Variants in KCNIP4 observed in about 807,000 individuals in gnomAD.
KCNIP4 encodes the protein Kv channel-interacting protein 4.
KCNIP4 carries 12 observed loss-of-function variants against 34.0 expected under a neutral mutation model. That is an observed-to-expected ratio of 0.35 (90% CI 0.23 to 0.57). The LOEUF (loss-of-function observed/expected upper bound fraction) is 0.57, where lower values mean the gene tolerates loss of function less well. Ranked by LOEUF, KCNIP4 falls within the 20% of genes least tolerant of loss-of-function variation. The pLI is 0.83. For missense variants in KCNIP4, 238 were observed against 311.7 expected (o/e 0.76, Z 1.78); for synonymous variants, 124 against 102.2 (o/e 1.21, Z -1.29).
rs189964806 is a variant in KCNIP4, at chr4:21,564,690, A to C, written c.61+383881T>G. On this transcript the variant is annotated intron_variant, in intron 1 of 8. Transcript: ENST00000382152. ...GTATAAAGAAAAGTTAATTTGGCTC[A>C]CCCTCCCACAGGCTGTAAAAGAAGC... Among the ~76,000 whole-genome samples the C allele has an allele frequency of 4.7e-4, 71 of 151,968 alleles. No individual in the cohort carries two copies. The East Asian group carries it at 8.2e-3, about 17-fold the overall frequency.
chr4:21,735,774 T>G lies in KCNIP4; in HGVS notation c.61+212797A>C, dbSNP rs191409526. On this transcript the variant is annotated intron_variant, in intron 1 of 8. Coordinates refer to ENST00000382152, the MANE Select transcript of KCNIP4 (RefSeq NM_025221.6). ...AATCTGTCACGCGAAGAATGGGGAC[T>G]AGCCTGCATAAACAAAAATCCAAAC... is the stretch of plus-strand genomic sequence containing the variant. Among the ~76,000 whole-genome samples, 125 of 152,276 alleles carry G rather than the reference T, an allele frequency of 8.2e-4. 1 individual carries two copies. Among genetic ancestry groups the G allele is most frequent in the Admixed American group, 2.8e-3 (43 of 15,278 alleles).
chr4:21,405,907 C>G (rs1723942336), intron 1 of KCNIP4, among the ~76,000 whole-genome samples: 3 of 152,232 alleles, frequency 2.0e-5, no homozygotes, highest in Admixed American at 2.0e-4. Context: ...GCGATCTTGG[C>G]TCACTGCAAA....
intron 1 of KCNIP4, among the ~76,000 whole-genome samples, chr4:21,224,399 A>C (rs1298892620): frequency 6.6e-6 from 1 of 151,660 alleles, no homozygotes; most frequent in Non-Finnish European, 1.5e-5. Context: ...CCCCACCCTC[A>C]TGACCTAATT....
chr4:21,815,637 A>T (rs1276298348), intron 1 of KCNIP4, among the ~76,000 whole-genome samples: 1 of 152,162 alleles, frequency 6.6e-6, no homozygotes, highest in African/African-American at 2.4e-5. Flanking sequence ...CAGAAAAAAA[A>T]TTGCTATGTT....
intron 1 of KCNIP4, among the ~76,000 whole-genome samples, chr4:21,793,499 C>A (rs1720427535): frequency 6.6e-6 from 1 of 152,136 alleles, no homozygotes; most frequent in Admixed American, 6.5e-5. Context: ...CTCAAGTGAT[C>A]CACCCACCTC....
intron 1 of KCNIP4, among the ~76,000 whole-genome samples, chr4:21,878,853 G>A (rs1726295205): frequency 6.6e-6 from 1 of 152,150 alleles, no homozygotes. Flanking sequence ...AGAATGAAGT[G>A]AGATGAACAT....
chr4:21,688,628 G>A (rs1750996961), intron 1 of KCNIP4, among the ~76,000 whole-genome samples: 1 of 152,118 alleles, frequency 6.6e-6, no homozygotes, highest in Non-Finnish European at 1.5e-5. Flanking sequence ...GATCTGAACA[G>A]GTGTTTAATT....
At chr4:21,169,658 A>ATTTG (rs1553948454) in intron 1 of KCNIP4, among the ~76,000 whole-genome samples, 1 of 93,220 alleles carries the variant, frequency 1.1e-5, no homozygotes, top group East Asian at 2.7e-4. Flanking sequence ...CATACTTTAT[A>ATTTG]TTTGTGTGTG....
At chr4:21,517,568 A>G (rs1734866343) in intron 1 of KCNIP4, among the ~76,000 whole-genome samples, 1 of 152,202 alleles carries the variant, frequency 6.6e-6, no homozygotes, top group South Asian at 2.1e-4. Flanking sequence ...GAGGTATTTC[A>G]ATAAACTGGT....
At chr4:21,334,483 A>C (rs1715967144) in intron 1 of KCNIP4, among the ~76,000 whole-genome samples, 1 of 152,016 alleles carries the variant, frequency 6.6e-6, no homozygotes, top group Non-Finnish European at 1.5e-5. Flanking sequence ...GGAACAAGCT[A>C]TTCCCTTACC....
chr4:20,823,223 C>A (rs944838324), intron 3 of KCNIP4, among the ~76,000 whole-genome samples: 10 of 151,984 alleles, frequency 6.6e-5, no homozygotes, highest in African/African-American at 2.4e-4. Context: ...GTATGACTGG[C>A]GCATAGAATG....
intron 3 of KCNIP4, among the ~76,000 whole-genome samples, chr4:20,784,214 C>T (rs1711615826): frequency 1.3e-5 from 2 of 152,112 alleles, no homozygotes; most frequent in Admixed American, 6.5e-5. Flanking sequence ...AATCCCAGAA[C>T]ATTAGTTTGC....
chr4:21,795,940 G>A (rs28379252), intron 1 of KCNIP4, among the ~76,000 whole-genome samples: 12,762 of 151,940 alleles, frequency 0.084, 1,833 homozygotes, highest in African/African-American at 0.29. Context: ...TTGGTGGTGC[G>A]TGCCTGTAAT....
At chr4:21,864,778 C>T (rs1354804564) in intron 1 of KCNIP4, among the ~76,000 whole-genome samples, 1 of 152,118 alleles carries the variant, frequency 6.6e-6, no homozygotes, top group South Asian at 2.1e-4. Flanking sequence ...GATCCTTATG[C>T]AAAACTCCAA....
At chr4:21,236,242 A>T (rs572423670) in intron 1 of KCNIP4, among the ~76,000 whole-genome samples, 1 of 152,310 alleles carries the variant, frequency 6.6e-6, no homozygotes, top group African/African-American at 2.4e-5. Flanking sequence ...TAAAGATCTT[A>T]TAAGAAGCAA....
At chr4:21,856,279 T>A (rs1042918285) in intron 1 of KCNIP4, among the ~76,000 whole-genome samples, 2 of 152,222 alleles carry the variant, frequency 1.3e-5, no homozygotes, top group African/African-American at 4.8e-5. Flanking sequence ...TAATAAGTAC[T>A]CAGAGCTACA....
rs1741926941 is a variant in KCNIP4 at position 21,589,188 on chromosome 4, ATAT to A, written c.61+359380_61+359382del. 4.0e-5 allele frequency among the ~76,000 whole-genome samples: 3 copies of A among 74,604 alleles called. No homozygotes were observed. The South Asian group carries it at 1.3e-3, about 32-fold the overall frequency. 48.9% of individuals were successfully genotyped at this position (74,604 alleles called of 152,430 possible). On this transcript the variant is annotated intron_variant, in intron 1 of 8. Transcript: ENST00000382152. ...TATATATATATATATATATATATATATATATATATATATGTGTACATATATAAG... is the reference window on the plus strand; with the variant it reads ...TATATATATATATATATATATATATAATATATATATGTGTACATATATAAG...
intron 1 of KCNIP4, among the ~76,000 whole-genome samples, chr4:21,447,557 C>G (rs1295130811): frequency 6.6e-6 from 1 of 152,172 alleles, no homozygotes; most frequent in East Asian, 1.9e-4. Flanking sequence ...GCCTGAACCA[C>G]AGATAGTAGC....
chr4:20,863,770 A>G (rs960445442), intron 2 of KCNIP4, among the ~76,000 whole-genome samples: 1 of 152,206 alleles, frequency 6.6e-6, no homozygotes, highest in Admixed American at 6.6e-5. Flanking sequence ...ATTTTCGACC[A>G]GACAAAATAA....
Sources: gnomAD v4.1 joint callset for allele counts (sites outside exome capture counted in the v4.1 genomes callset) on GRCh38, gnomAD v4.1.1 for gene constraint, MANE v1.5 for transcripts, NCBI Gene and HGNC (gene_info 2026-07-23, HGNC 2026-07-21) for gene names.